The following MTSS1 variants were observed in gnomAD, a reference collection of about 807,000 sequenced individuals.
MTSS1 encodes protein MTSS 1.
MTSS1 carries 18 observed loss-of-function variants against 79.0 expected under a neutral mutation model. The ratio of observed to expected loss-of-function variants is 0.23; its 90% CI spans 0.16 to 0.34. MTSS1 has a LOEUF of 0.34. MTSS1 is among the 10% of genes least tolerant of loss of function. The pLI is 1.00. For missense variants in MTSS1, 815 were observed against 986.2 expected (o/e 0.83, Z 2.33); for synonymous variants, 341 against 368.6 (o/e 0.93, Z 0.86).
chr8:124,555,702 G>T (rs896764792), intron 13 of MTSS1, 40 bp downstream of exon 13: 3 of 1,541,036 alleles, frequency 1.9e-6, no homozygotes, highest in African/African-American at 1.4e-5. Flanking sequence ...ACCTGGTGCT[G>T]CTCAGAAAGC....
intron 3 of MTSS1, among the ~76,000 whole-genome samples, chr8:124,643,267 T>C (rs535798117): frequency 4.6e-5 from 7 of 152,188 alleles, no homozygotes; most frequent in Admixed American, 6.6e-5. Flanking sequence ...GAATGCCTTC[T>C]GCAGCATCAT....
chr8:124,705,508 A>T (rs1419822038), intron 1 of MTSS1, among the ~76,000 whole-genome samples: 5 of 152,128 alleles, frequency 3.3e-5, no homozygotes, highest in African/African-American at 1.2e-4. Context: ...AAAACAAAAC[A>T]AAACTAAGAC....
At position 124,675,259 on chromosome 8, in the gene MTSS1, G is replaced by A. The variant is rs368363214; in HGVS notation, c.208+24267C>T. On this transcript the variant is annotated intron_variant, in intron 3 of 13. Transcript: ENST00000518547. ...TAGAAATAATGAATAAAGATGCATA[G>A]AAAACAGGAAAACCCAAGAGCCAGT... is the stretch of plus-strand genomic sequence containing the variant. Among the ~76,000 whole-genome samples, 5 of 152,286 alleles carry A rather than the reference G, an allele frequency of 3.3e-5. No homozygotes were observed. In the South Asian group the frequency reaches 1.0e-3, roughly 32 times the overall value.
intron 3 of MTSS1, among the ~76,000 whole-genome samples, chr8:124,616,887 CTTTCA>C (rs1836980544): frequency 6.6e-6 from 1 of 152,112 alleles, no homozygotes; most frequent in Admixed American, 6.5e-5. Flanking sequence ...AAATTTGAAC[CTTTCA>C]TTTCAAGTTT....
At chr8:124,650,171 C>T (rs929973882) in intron 3 of MTSS1, among the ~76,000 whole-genome samples, 1 of 152,062 alleles carries the variant, frequency 6.6e-6, no homozygotes, top group Non-Finnish European at 1.5e-5. Flanking sequence ...CCTGGGATTA[C>T]AGGTATGCAC....
At chr8:124,563,298 G>A (rs529729719) in intron 9 of MTSS1, 6 of 378,898 alleles carry the variant, frequency 1.6e-5, no homozygotes, top group Admixed American at 4.4e-5. Flanking sequence ...GTTCTAAAAC[G>A]TCAAGTGCGC....
In MTSS1 at chr8:124,552,044, T is replaced by C. The variant is rs912671979; in HGVS notation, c.*948A>G. On this transcript the variant is annotated 3_prime_UTR_variant, in exon 14 of 14. Transcript: ENST00000518547. ...TTACTATAATCTAAGAATTCCCTGCTATTATCATTTTTAAATGTTTTCACA... is the reference window on the plus strand; with the variant it reads ...TTACTATAATCTAAGAATTCCCTGCCATTATCATTTTTAAATGTTTTCACA... The C allele has an allele frequency of 1.3e-5, 2 of 152,682 alleles. No individual in the cohort carries two copies. The highest frequency in any genetic ancestry group is 2.9e-5 in the Non-Finnish European group (2 of 68,046). The allele number at this position is 152,682 out of a possible 1,614,324, so 9.5% of individuals were successfully genotyped here.
At chr8:124,560,754 A>G (rs1238625587) in intron 10 of MTSS1, among the ~76,000 whole-genome samples, 1 of 152,222 alleles carries the variant, frequency 6.6e-6, no homozygotes, top group Non-Finnish European at 1.5e-5. Context: ...GAACCTCTTG[A>G]CTCAGATGGA....
At chr8:124,591,057 G>A (rs11994203) in intron 4 of MTSS1, 94 bp downstream of exon 4, 180,693 of 1,033,128 alleles carry the variant, frequency 0.17, 16,885 homozygotes, top group African/African-American at 0.23. Flanking sequence ...CAGACAGATT[G>A]TGGGGATTTA....
chr8:124,575,825 A>G (rs1184433604), intron 6 of MTSS1, among the ~76,000 whole-genome samples: 1 of 152,184 alleles, frequency 6.6e-6, no homozygotes, highest in Non-Finnish European at 1.5e-5. Context: ...TCTCCAACAG[A>G]GCATCCTCAC....
intron 3 of MTSS1, among the ~76,000 whole-genome samples, chr8:124,611,138 A>C: frequency 7.2e-6 from 1 of 139,292 alleles, no homozygotes; most frequent in Non-Finnish European, 1.5e-5. Flanking sequence ...CTCAACAGTC[A>C]CCTCTGTAGA....
At position 124,576,772 on chromosome 8, in the gene MTSS1, G is replaced by A. The variant is rs1020180359; in HGVS notation, c.461-8236C>T. On this transcript the variant is annotated intron_variant, in intron 6 of 13. Coordinates refer to ENST00000518547, the MANE Select transcript of MTSS1 (RefSeq NM_014751.6). Reference sequence around the variant, plus strand: ...AACTGCTTCCCCACCCTGCCATTCCGTCAGGCTTTGCCCATCCCGTTAGTG... The same window carrying A: ...AACTGCTTCCCCACCCTGCCATTCCATCAGGCTTTGCCCATCCCGTTAGTG... 2.0e-5 allele frequency among the ~76,000 whole-genome samples: 3 copies of A among 152,232 alleles called. 1 individual carries two copies. The South Asian group carries it at 6.2e-4, about 31-fold the overall frequency.
At chr8:124,656,388 C>T (rs1820944182) in intron 3 of MTSS1, among the ~76,000 whole-genome samples, 1 of 151,102 alleles carries the variant, frequency 6.6e-6, no homozygotes, top group African/African-American at 2.4e-5. Context: ...AACAAGCACA[C>T]AAAAGTGTCA....
chr8:124,708,018 T>C (rs1388184923), intron 1 of MTSS1, among the ~76,000 whole-genome samples: 1 of 152,232 alleles, frequency 6.6e-6, no homozygotes, highest in African/African-American at 2.4e-5. Context: ...ATTTCACTTC[T>C]CAGGGATCAT....
intron 1 of MTSS1, among the ~76,000 whole-genome samples, chr8:124,717,468 G>A (rs142848467): frequency 0.047 from 6,565 of 140,922 alleles, 114 homozygotes; most frequent in East Asian, 0.072. Flanking sequence ...TGCACACTCC[G>A]GCCTGGGGGA....
At chr8:124,712,560 T>C (rs773418792) in intron 1 of MTSS1, among the ~76,000 whole-genome samples, 1 of 152,026 alleles carries the variant, frequency 6.6e-6, no homozygotes, top group South Asian at 2.1e-4. Flanking sequence ...CCCCACCCAA[T>C]CCTGCAAGAT....
chr8:124,562,249 C>T (rs1401698580), intron 10 of MTSS1, among the ~76,000 whole-genome samples: 32 of 152,228 alleles, frequency 2.1e-4, no homozygotes, highest in Non-Finnish European at 2.6e-4. Flanking sequence ...GATTCTGCCA[C>T]ACCTTCCCTT....
At chr8:124,698,976 C>G (rs1185070767) in intron 3 of MTSS1, 1 of 152,444 alleles carries the variant, frequency 6.6e-6, no homozygotes, top group Admixed American at 6.5e-5. Flanking sequence ...TAAACATCTC[C>G]TATGTTCTAG....
At chr8:124,584,517 T>C (rs539373686) in intron 6 of MTSS1, among the ~76,000 whole-genome samples, 17 of 152,292 alleles carry the variant, frequency 1.1e-4, no homozygotes, top group African/African-American at 4.1e-4. Flanking sequence ...GACGATTCAT[T>C]TGTTTGTGAA....
Sources: allele counts gnomAD v4.1 joint callset (sites outside exome capture counted in the v4.1 genomes callset), GRCh38; gene constraint gnomAD v4.1.1; transcripts MANE v1.5; gene names NCBI Gene and HGNC (gene_info 2026-07-23, HGNC 2026-07-21).